HMBOX1: variants seen among roughly 807,000 people sequenced by gnomAD.
HMBOX1 encodes homeobox containing 1, also known as homeobox-containing protein 1.
A neutral mutation model predicts 54.5 loss-of-function variants in HMBOX1; 14 were observed. The observed-to-expected ratio is 0.26, with a 90% CI of 0.17 to 0.40. HMBOX1 has a LOEUF of 0.40. HMBOX1 is among the 10% of genes least tolerant of loss of function. The pLI is 1.00. For missense variants in HMBOX1, 332 were observed against 514.4 expected (o/e 0.65, Z 3.43); for synonymous variants, 160 against 181.0 (o/e 0.88, Z 0.93).
In HMBOX1 at chr8:28,987,420, A is replaced by G. The variant is rs1017061175; in HGVS notation, c.586+7264A>G. On this transcript the variant is annotated intron_variant, in intron 4 of 9. Transcript: ENST00000287701. ...TGACAAAAAGAGGAAGTGATACCCCAGTAAGAAAGTCACAAGGTATCTGTG... is the reference window on the plus strand; with the variant it reads ...TGACAAAAAGAGGAAGTGATACCCCGGTAAGAAAGTCACAAGGTATCTGTG... Among the ~76,000 whole-genome samples the G allele has an allele frequency of 4.1e-4, 63 of 152,324 alleles. 2 individuals carry two copies. Among genetic ancestry groups the G allele is most frequent in the Non-Finnish European group, 2.1e-4 (14 of 68,018 alleles).
At chr8:29,009,720 A>G in intron 5 of HMBOX1, 3 of 1,287,422 alleles carry the variant, frequency 2.3e-6, no homozygotes, top group Non-Finnish European at 3.0e-6. Flanking sequence ...GAGCAGCAGT[A>G]GATTGGGAAA....
At chr8:28,920,308 G>A (rs1013491938) in intron 1 of HMBOX1, among the ~76,000 whole-genome samples, 1 of 152,056 alleles carries the variant, frequency 6.6e-6, no homozygotes, top group Non-Finnish European at 1.5e-5. Flanking sequence ...CTATGGTAGG[G>A]CCTTGGAATA....
chr8:29,023,191 T>C (rs1362157369), intron 6 of HMBOX1, among the ~76,000 whole-genome samples: 2 of 152,090 alleles, frequency 1.3e-5, no homozygotes, highest in African/African-American at 4.8e-5. Flanking sequence ...AGATTGTCAG[T>C]GCAAAGGAAA....
chr8:29,027,467 A>G (rs1279917364), intron 6 of HMBOX1, among the ~76,000 whole-genome samples: 2 of 152,198 alleles, frequency 1.3e-5, no homozygotes, highest in African/African-American at 4.8e-5. Context: ...TGGGCTACAT[A>G]TTCCTTTATC....
chr8:28,969,043 G>T (rs1349231021), intron 2 of HMBOX1, among the ~76,000 whole-genome samples: 1 of 152,046 alleles, frequency 6.6e-6, no homozygotes, highest in East Asian at 1.9e-4. Context: ...CTTGGTGGCA[G>T]GTGCCTGTAA....
At chr8:28,926,650 C>T (rs1419225186) in intron 1 of HMBOX1, among the ~76,000 whole-genome samples, 3 of 152,128 alleles carry the variant, frequency 2.0e-5, no homozygotes, top group Non-Finnish European at 4.4e-5. Flanking sequence ...CATTGTTAAC[C>T]TCAAACTCCT....
chr8:28,913,056 C>T (rs183613248), intron 1 of HMBOX1, among the ~76,000 whole-genome samples: 126 of 152,248 alleles, frequency 8.3e-4, no homozygotes, highest in African/African-American at 2.8e-3. Context: ...CACCATTTCA[C>T]CATTTCTCCC....
chr8:28,950,484 A>G (rs1242404523), intron 1 of HMBOX1, among the ~76,000 whole-genome samples: 1 of 152,226 alleles, frequency 6.6e-6, no homozygotes, highest in Non-Finnish European at 1.5e-5. Context: ...GAGCACTCTG[A>G]GATTTCCATA....
chr8:28,924,646 G>T (rs1434805995), intron 1 of HMBOX1: 1 of 151,578 alleles, frequency 6.6e-6, no homozygotes, highest in African/African-American at 2.4e-5. Flanking sequence ...ACAGAGTTTC[G>T]CTCTTGTCCA....
chr8:29,009,005 A>G (rs1413252701), intron 4 of HMBOX1, 67 bp from the exon 5 acceptor site: 1 of 1,306,010 alleles, frequency 7.7e-7, no homozygotes, highest in Non-Finnish European at 1.1e-6. Flanking sequence ...ACCTAGAACC[A>G]AAAGATCCTT....
chr8:28,960,777 T>G (rs1388468724), intron 1 of HMBOX1, among the ~76,000 whole-genome samples: 19 of 57,354 alleles, frequency 3.3e-4, no homozygotes, highest in African/African-American at 7.3e-4. Context: ...TTTTTTTTTT[T>G]TTTTTTTTTT....
intron 1 of HMBOX1, among the ~76,000 whole-genome samples, chr8:28,931,634 C>CA (rs1819486850): frequency 6.6e-6 from 1 of 152,108 alleles, no homozygotes; most frequent in Non-Finnish European, 1.5e-5. Context: ...CTCTACCTCC[C>CA]AGGCCCAAGT....
intron 1 of HMBOX1, among the ~76,000 whole-genome samples, chr8:28,935,711 A>C (rs1292663584): frequency 6.6e-6 from 1 of 152,170 alleles, no homozygotes; most frequent in Non-Finnish European, 1.5e-5. Context: ...ATAAACTTCT[A>C]AAGACATGAT....
intron 1 of HMBOX1, among the ~76,000 whole-genome samples, chr8:28,898,091 C>T (rs1263285504): frequency 4.6e-5 from 7 of 152,084 alleles, no homozygotes; most frequent in Admixed American, 2.0e-4. Context: ...AATATACTAT[C>T]GATTATTACA....
chr8:28,984,321 T>G (rs929541439), intron 4 of HMBOX1, among the ~76,000 whole-genome samples: 6 of 152,274 alleles, frequency 3.9e-5, no homozygotes, highest in East Asian at 1.9e-4. Flanking sequence ...AAGTCAACCT[T>G]GAGATAAAAA....
At chr8:28,969,915 TG>T in intron 2 of HMBOX1, 127 bp from the exon 3 acceptor site, 1 of 647,892 alleles carries the variant, frequency 1.5e-6, no homozygotes. Flanking sequence ...CATTCTAGCA[TG>T]GGACATACCT....
intron 1 of HMBOX1, among the ~76,000 whole-genome samples, chr8:28,927,863 G>A (rs1277983101): frequency 4.1e-5 from 6 of 145,386 alleles, no homozygotes; most frequent in African/African-American, 1.0e-4. Context: ...AAAGCCAGGC[G>A]TGGTGGCTCA....
At chr8:28,932,687 A>G (rs184959906) in intron 1 of HMBOX1, among the ~76,000 whole-genome samples, 10 of 152,340 alleles carry the variant, frequency 6.6e-5, no homozygotes, top group East Asian at 1.9e-4. Flanking sequence ...TACATGACTT[A>G]AAACAACAAG....
At chr8:29,042,177 GAACT>G (rs1347737116) in intron 6 of HMBOX1, among the ~76,000 whole-genome samples, 11 of 152,188 alleles carry the variant, frequency 7.2e-5, no homozygotes, top group African/African-American at 2.6e-4. Flanking sequence ...TAAAAACAGT[GAACT>G]AAGATCACTG....
Sources: gnomAD v4.1 joint callset for allele counts (sites outside exome capture counted in the v4.1 genomes callset) on GRCh38, gnomAD v4.1.1 for gene constraint, MANE v1.5 for transcripts, NCBI Gene and HGNC (gene_info 2026-07-23, HGNC 2026-07-21) for gene names.